PPFIA2: variants seen among roughly 807,000 people sequenced by gnomAD.
PPFIA2 encodes PPFI scaffold protein A2.
In PPFIA2, 46 loss-of-function variants were observed where a neutral mutation model predicts 175.5. The observed-to-expected ratio is 0.26, with a 90% CI of 0.21 to 0.34. The LOEUF (loss-of-function observed/expected upper bound fraction) is 0.34, where lower values mean the gene tolerates loss of function less well. PPFIA2 is among the 10% of genes least tolerant of loss of function. The pLI, the probability that PPFIA2 is intolerant of heterozygous loss-of-function variation, is 1.00. For synonymous variants in PPFIA2, 568 were observed against 511.4 expected, an observed-to-expected ratio of 1.11 and a Z score of -1.49; for missense variants, 1,179 against 1,506.1, an observed-to-expected ratio of 0.78 and a Z score of 3.60.
chr12:81,586,810 T>C (rs189789168), intron 4 of PPFIA2, among the ~76,000 whole-genome samples: 4 of 152,040 alleles, frequency 2.6e-5, no homozygotes, highest in African/African-American at 9.6e-5. Flanking sequence ...CTGTGCTCAC[T>C]TAACATTACA....
chr12:81,528,244 C>A (rs1426848282), intron 4 of PPFIA2, among the ~76,000 whole-genome samples: 1 of 151,930 alleles, frequency 6.6e-6, no homozygotes, highest in Non-Finnish European at 1.5e-5. Context: ...CATCTTGAAG[C>A]AGACAGATCA....
At chr12:81,309,219 A>T (rs1216698986) in intron 22 of PPFIA2, among the ~76,000 whole-genome samples, 3 of 152,148 alleles carry the variant, frequency 2.0e-5, no homozygotes, top group Admixed American at 6.5e-5. Flanking sequence ...TGGACTTATT[A>T]TTCAGGAATC....
intron 4 of PPFIA2, among the ~76,000 whole-genome samples, chr12:81,628,567 C>T (rs563222869): frequency 5.3e-5 from 8 of 151,824 alleles, no homozygotes; most frequent in Admixed American, 2.0e-4. Context: ...TTAACGGAGA[C>T]GGGGTTTCAC....
At chr12:81,683,927 T>C (rs1193055429) in intron 3 of PPFIA2, among the ~76,000 whole-genome samples, 1 of 151,814 alleles carries the variant, frequency 6.6e-6, no homozygotes, top group Non-Finnish European at 1.5e-5. Flanking sequence ...AGTGAGGAGG[T>C]GCCAGGCTCT....
chr12:81,623,776 T>C (rs1389562899), intron 4 of PPFIA2, among the ~76,000 whole-genome samples: 3 of 151,996 alleles, frequency 2.0e-5, no homozygotes, highest in East Asian at 1.9e-4. Flanking sequence ...ACCTAAGATA[T>C]AGTGAAAGTA....
chr12:81,386,665 T>TGCTCCTC (rs1309763741), intron 8 of PPFIA2, among the ~76,000 whole-genome samples: 1 of 151,958 alleles, frequency 6.6e-6, no homozygotes, highest in Non-Finnish European at 1.5e-5. Context: ...AATAAAAGTA[T>TGCTCCTC]GCTCCTCAGC....
intron 4 of PPFIA2, among the ~76,000 whole-genome samples, chr12:81,518,727 C>T (rs2062761844): frequency 6.6e-6 from 1 of 152,124 alleles, no homozygotes; most frequent in Admixed American, 6.6e-5. Context: ...TAATAGTTGC[C>T]TCTTTTCCTA....
At chr12:81,508,154 A>T (rs1020457286) in intron 4 of PPFIA2, among the ~76,000 whole-genome samples, 6 of 152,134 alleles carry the variant, frequency 3.9e-5, no homozygotes, top group Non-Finnish European at 2.9e-5. Context: ...CATCTCTGAA[A>T]TAAAGTTTAT....
At chr12:81,664,866 G>A (rs1420287752) in intron 4 of PPFIA2, among the ~76,000 whole-genome samples, 1 of 152,146 alleles carries the variant, frequency 6.6e-6, no homozygotes, top group African/African-American at 2.4e-5. Flanking sequence ...CATAAAAAAG[G>A]ATGAGTTAAT....
At chr12:81,663,443 C>T (rs1220049408) in intron 4 of PPFIA2, among the ~76,000 whole-genome samples, 1 of 152,082 alleles carries the variant, frequency 6.6e-6, no homozygotes, top group Non-Finnish European at 1.5e-5. Context: ...TTCACAATTG[C>T]TTCAAAGATA....
chr12:81,312,167 T>C, intron 22 of PPFIA2: 5 of 1,534,872 alleles, frequency 3.3e-6, no homozygotes, highest in Non-Finnish European at 4.4e-6. Context: ...TACCCAGATG[T>C]GCTTTTCATG....
intron 4 of PPFIA2, among the ~76,000 whole-genome samples, chr12:81,619,087 C>T (rs1249759343): frequency 6.6e-6 from 1 of 152,196 alleles, no homozygotes; most frequent in Non-Finnish European, 1.5e-5. Flanking sequence ...GTTAAATCAT[C>T]ATTCAGTAAC....
chr12:81,597,546 C>T (rs1296282652), intron 4 of PPFIA2, among the ~76,000 whole-genome samples: 7 of 151,944 alleles, frequency 4.6e-5, no homozygotes. Context: ...TTTTTCTAAG[C>T]CAAGAGGACT....
intron 4 of PPFIA2, among the ~76,000 whole-genome samples, chr12:81,638,262 G>C (rs1243306242): frequency 6.6e-6 from 1 of 152,004 alleles, no homozygotes; most frequent in South Asian, 2.1e-4. Context: ...AAGATCATCT[G>C]ACTGCATGGC....
Position 81,642,703 on chromosome 12 carries a change from T to TATATTATATACATA in PPFIA2, c.303+34087_303+34088insTATGTATATAATAT, listed in dbSNP as rs1595912928. On this transcript the variant is annotated intron_variant, in intron 4 of 32. Transcript: ENST00000549396. ...TGTATCTATTATATACATACATGTATATGTATGTATGTATTATATACATAC... is the reference window on the plus strand; with the variant it reads ...TGTATCTATTATATACATACATGTATATATTATATACATAATGTATGTATGTATTATATACATAC... Among the ~76,000 whole-genome samples the TATATTATATACATA allele has an allele frequency of 9.3e-4, 13 of 13,928 alleles. 4 individuals are homozygous for TATATTATATACATA. The highest frequency in any genetic ancestry group is 1.8e-3 in the African/African-American group (5 of 2,848). The allele number at this position is 13,928 out of a possible 152,430, so 9.1% of individuals were successfully genotyped here. A position where few individuals can be genotyped will look rare whatever the true frequency, so the allele number is the denominator to read the frequency against.
At chr12:81,709,059 C>T (rs892421193) in intron 3 of PPFIA2, among the ~76,000 whole-genome samples, 2 of 152,066 alleles carry the variant, frequency 1.3e-5, no homozygotes, top group Non-Finnish European at 1.5e-5. Context: ...TAATAACCTA[C>T]CAGAGCCATC....
chr12:81,265,976 T>C (rs372617897), intron 30 of PPFIA2, among the ~76,000 whole-genome samples: 4 of 152,242 alleles, frequency 2.6e-5, no homozygotes, highest in South Asian at 2.1e-4. Context: ...TTAATCATTA[T>C]GCTGATTGAA....
At position 81,273,976 on chromosome 12, in the gene PPFIA2, C is replaced by T. The variant is rs1213189811; in HGVS notation, c.3310+3341G>A. On this transcript the variant is annotated intron_variant, in intron 28 of 32. Coordinates refer to ENST00000549396, the MANE Select transcript of PPFIA2 (RefSeq NM_003625.5). ...TTTATATTATACATGTTAATTGTCT[C>T]TCTGAGTCAGTTCTGAAGTGTAGCT... 2.0e-5 allele frequency among the ~76,000 whole-genome samples: 3 copies of T among 150,468 alleles called. No homozygotes were observed. In the Admixed American group the frequency reaches 2.0e-4, roughly 10 times the overall value.
intron 3 of PPFIA2, among the ~76,000 whole-genome samples, chr12:81,732,524 A>T (rs2081049890): frequency 6.6e-6 from 1 of 150,766 alleles, no homozygotes; most frequent in African/African-American, 2.4e-5. Flanking sequence ...AAAAAAAAAA[A>T]AAAAACACTC....
Sources: allele counts gnomAD v4.1 joint callset (sites outside exome capture counted in the v4.1 genomes callset), GRCh38; gene constraint gnomAD v4.1.1; transcripts MANE v1.5; gene names NCBI Gene and HGNC (gene_info 2026-07-23, HGNC 2026-07-21).